Variants in RASGRP3 observed in about 807,000 individuals in gnomAD.
RASGRP3 encodes the protein RAS guanyl releasing protein 3.
In RASGRP3, 54 loss-of-function variants were observed where a neutral mutation model predicts 82.7. That is an observed-to-expected ratio of 0.65 (90% CI 0.52 to 0.82). The LOEUF is 0.82. RASGRP3 is among the 40% of genes least tolerant of loss of function. The pLI is 0.00. For missense variants in RASGRP3, 861 were observed against 828.9 expected (o/e 1.04, Z -0.48); for synonymous variants, 309 against 300.5 (o/e 1.03, Z -0.29).
Position 33,562,778 on chromosome 2 carries a change from G to C in RASGRP3, c.*41G>C. 1 of 1,607,408 alleles carries C rather than the reference G, an allele frequency of 6.2e-7. No homozygotes were observed. The highest frequency in any genetic ancestry group is 8.5e-7 in the Non-Finnish European group (1 of 1,174,110). On this transcript the variant is annotated 3_prime_UTR_variant, in exon 18 of 18. Coordinates refer to ENST00000403687, the MANE Select transcript of RASGRP3 (RefSeq NM_001139488.2). ...ACTGAAGGCAATAATGTTGGCTTTT[G>C]GAAGGGGCAAGACGAGAAACTCTGA...
chr2:33,456,062 C>G (rs564842719), intron 2 of RASGRP3, among the ~76,000 whole-genome samples: 28 of 152,264 alleles, frequency 1.8e-4, no homozygotes, highest in African/African-American at 6.3e-4. Flanking sequence ...TTCTCCCACC[C>G]TCTCCTCTTC....
intron 2 of RASGRP3, among the ~76,000 whole-genome samples, chr2:33,464,112 T>TA (rs57157904): frequency 5.5e-4 from 76 of 137,458 alleles, no homozygotes; most frequent in Admixed American, 1.4e-3. Flanking sequence ...ATAATAATAA[T>TA]TATTATTATT....
intron 14 of RASGRP3, chr2:33,554,967 C>A (rs968374719): frequency 6.6e-6 from 1 of 152,280 alleles, no homozygotes; most frequent in Non-Finnish European, 1.5e-5. Flanking sequence ...AGAATCTGAG[C>A]TTTTTCGACA....
intron 14 of RASGRP3, among the ~76,000 whole-genome samples, chr2:33,550,676 G>A (rs549888185): frequency 5.6e-4 from 85 of 152,300 alleles, no homozygotes; most frequent in African/African-American, 1.9e-3. Context: ...GAGCTCAGTC[G>A]TGTTAGCTTT....
At chr2:33,552,452 T>G (rs1480562331) in intron 14 of RASGRP3, among the ~76,000 whole-genome samples, 1 of 152,242 alleles carries the variant, frequency 6.6e-6, no homozygotes. Context: ...AATTAACTCA[T>G]TTAAAATTTT....
chr2:33,547,359 TTTTTTTTTTTTTGC>T, intron 13 of RASGRP3, among the ~76,000 whole-genome samples: 1 of 141,824 alleles, frequency 7.1e-6, no homozygotes, highest in African/African-American at 2.6e-5. Flanking sequence ...TTTTTTTTTT[TTTTTTTTTTTTTGC>T]CTCCTACGCA....
chr2:33,509,899 A>G (rs79329452), intron 1 of RASGRP3, among the ~76,000 whole-genome samples: 5,261 of 152,292 alleles, frequency 0.035, 144 homozygotes, highest in Non-Finnish European at 0.053. Flanking sequence ...TCATTTACTA[A>G]CCTCAATCTT....
chr2:33,456,738 ATAAT>A (rs1666060003), intron 2 of RASGRP3, among the ~76,000 whole-genome samples: 1 of 152,214 alleles, frequency 6.6e-6, no homozygotes, highest in African/African-American at 2.4e-5. Context: ...TTTTCTAAAA[ATAAT>A]TAATCCAATT....
intron 13 of RASGRP3, among the ~76,000 whole-genome samples, chr2:33,545,103 CA>C (rs896325718): frequency 1.3e-5 from 2 of 152,142 alleles, no homozygotes; most frequent in Non-Finnish European, 2.9e-5. Context: ...TCCTAGTCTT[CA>C]TTTCTTTTAT....
chr2:33,561,357 G>A (rs917132065), intron 17 of RASGRP3, among the ~76,000 whole-genome samples: 7 of 152,128 alleles, frequency 4.6e-5, no homozygotes, highest in African/African-American at 9.7e-5. Flanking sequence ...GTAAGCCATC[G>A]CGCCCAGCTG....
chr2:33,462,100 T>G (rs1666401422), intron 2 of RASGRP3, among the ~76,000 whole-genome samples: 1 of 152,180 alleles, frequency 6.6e-6, no homozygotes, highest in South Asian at 2.1e-4. Context: ...ATGGATTTGG[T>G]ATCAAATTAA....
chr2:33,558,803 G>A lies in RASGRP3; in HGVS notation c.1837G>A (p.Ala613Thr), dbSNP rs753725548. The part of the protein sequence containing the change: ...VRLQRATTSQ[A>T]TQTEPVWSEA... Reference sequence around the variant, plus strand: ...GCTACAGAGGGCCACCACCAGCCAGGCCACCCAGACTGAACCTGTCTGGTC... The same window carrying A: ...GCTACAGAGGGCCACCACCAGCCAGACCACCCAGACTGAACCTGTCTGGTC... Residue 613 changes from alanine to threonine, a missense_variant, in exon 17 of 18, where the codon GCC (alanine) becomes ACC (threonine). Coordinates refer to ENST00000403687, the MANE Select transcript of RASGRP3 (RefSeq NM_001139488.2). 1.2e-5 allele frequency: 20 copies of A among 1,613,888 alleles called. No homozygotes were observed. In the East Asian group the frequency reaches 3.3e-4, roughly 27 times the overall value.
rs561799382 is a variant in RASGRP3 at position 33,459,954 on chromosome 2, A to C, written c.-261+12011A>C. ...TGAGGCCTAGTTGAGAAGAGAGCTC[A>C]GAGGAGCCTGGCTAGAGTTCGGTCA... On this transcript the variant is annotated intron_variant, in intron 2 of 18. Transcript: ENST00000402538. 2.6e-5 allele frequency among the ~76,000 whole-genome samples: 4 copies of C among 152,350 alleles called. No individual in the cohort carries two copies. In the South Asian group the frequency reaches 8.3e-4, roughly 32 times the overall value.
intron 2 of RASGRP3, 55 bp from the exon 3 acceptor site, chr2:33,514,955 T>TACCTG: frequency 5.0e-6 from 3 of 600,118 alleles, no homozygotes; most frequent in Non-Finnish European, 8.9e-6. Flanking sequence ...AGTGATGCTC[T>TACCTG]AGTGGGGTCT....
chr2:33,437,156 T>C (rs1169130638), intron 1 of RASGRP3, among the ~76,000 whole-genome samples: 2 of 152,236 alleles, frequency 1.3e-5, no homozygotes, highest in African/African-American at 4.8e-5. Flanking sequence ...AAAACAGCAC[T>C]GAATAGTTTC....
At chr2:33,514,952 C>T in intron 2 of RASGRP3, 58 bp from the exon 3 acceptor site, 1 of 594,320 alleles carries the variant, frequency 1.7e-6, no homozygotes, top group East Asian at 2.8e-5. Context: ...GAAAGTGATG[C>T]TCTAGTGGGG....
chr2:33,443,136 A>G (rs1194371115), intron 1 of RASGRP3, among the ~76,000 whole-genome samples: 1 of 152,208 alleles, frequency 6.6e-6, no homozygotes, highest in Non-Finnish European at 1.5e-5. Flanking sequence ...GAATCTTAAA[A>G]GTGTTTCTTT....
intron 1 of RASGRP3, among the ~76,000 whole-genome samples, chr2:33,505,667 C>T (rs1347511865): frequency 6.6e-6 from 1 of 152,138 alleles, no homozygotes; most frequent in African/African-American, 2.4e-5. Flanking sequence ...AATGATTTTC[C>T]CGAAGTTTAA....
chr2:33,469,066 G>T (rs1383678936), intron 2 of RASGRP3, among the ~76,000 whole-genome samples: 1 of 152,080 alleles, frequency 6.6e-6, no homozygotes, highest in South Asian at 2.1e-4. Context: ...ATAATAAATT[G>T]TATCTTATCG....
Sources: allele counts gnomAD v4.1 joint callset (sites outside exome capture counted in the v4.1 genomes callset), GRCh38; gene constraint gnomAD v4.1.1; transcripts MANE v1.5; gene names NCBI Gene and HGNC (gene_info 2026-07-23, HGNC 2026-07-21).